The following TLL1 variants were observed in gnomAD, a reference collection of about 807,000 sequenced individuals.
The protein encoded by TLL1 is tolloid like 1.
A neutral mutation model predicts 128.2 loss-of-function variants in TLL1; 49 were observed. The observed-to-expected ratio is 0.38, with a 90% CI of 0.30 to 0.48. The LOEUF (loss-of-function observed/expected upper bound fraction) is 0.48, where lower values mean the gene tolerates loss of function less well. TLL1 is among the 20% of genes least tolerant of loss of function. The pLI is 0.96. For missense variants in TLL1, 1,123 were observed against 1,242.0 expected, an observed-to-expected ratio of 0.90 and a Z score of 1.44; for synonymous variants, 454 against 418.8, an observed-to-expected ratio of 1.08 and a Z score of -1.03.
intron 14 of TLL1, among the ~76,000 whole-genome samples, chr4:166,058,472 G>GTTT (rs1560842005): frequency 1.3e-5 from 2 of 152,038 alleles, no homozygotes; most frequent in African/African-American, 4.8e-5. Flanking sequence ...ACTTTTTGTC[G>GTTT]TGGTTATCTG....
chr4:166,085,328 G>A (rs913445568), intron 18 of TLL1, among the ~76,000 whole-genome samples: 1 of 151,532 alleles, frequency 6.6e-6, no homozygotes, highest in African/African-American at 2.4e-5. Context: ...AATAGAAGTG[G>A]TGAGAGTGGG....
intron 15 of TLL1, 50 bp downstream of exon 15, chr4:166,060,238 GA>G (rs1740241582): frequency 6.4e-7 from 1 of 1,571,462 alleles, no homozygotes; most frequent in African/African-American, 1.4e-5. Flanking sequence ...GGAACTCCCT[GA>G]AGGCAAACTG....
At position 165,995,014 on chromosome 4, in the gene TLL1, C is replaced by A. The variant is rs770454787; in HGVS notation, c.515-47C>A. ...GGTAGAGGATGCAGCAAGAAGCATT[C>A]TTCCTGGGGATGCCACCTTTTCATT... is the stretch of plus-strand genomic sequence containing the variant. On this transcript the variant is annotated intron_variant, in intron 4 of 20. Coordinates refer to ENST00000061240, the MANE Select transcript of TLL1 (RefSeq NM_012464.5). The A allele has an allele frequency of 3.3e-6, 5 of 1,509,402 alleles. No individual in the cohort carries two copies. The African/African-American group carries it at 5.5e-5, about 17-fold the overall frequency. The allele number at this position is 1,509,402 out of a possible 1,614,324, so 93.5% of individuals were successfully genotyped here.
chr4:166,030,627 C>A, intron 9 of TLL1: 1 of 704,642 alleles, frequency 1.4e-6, no homozygotes, highest in Non-Finnish European at 2.0e-6. Flanking sequence ...TCTATGAGTT[C>A]TATAGTTTTA....
chr4:165,963,369 T>C (rs1022312497), intron 1 of TLL1, among the ~76,000 whole-genome samples: 5 of 152,236 alleles, frequency 3.3e-5, no homozygotes, highest in East Asian at 1.9e-4. Context: ...AGTTGGAGAA[T>C]CTAGGTTTTT....
At chr4:165,991,566 G>T (rs1211731218) in intron 2 of TLL1, among the ~76,000 whole-genome samples, 2 of 151,948 alleles carry the variant, frequency 1.3e-5, no homozygotes, top group Non-Finnish European at 2.9e-5. Flanking sequence ...AAGTAATTAA[G>T]TAGATTATTA....
intron 1 of TLL1, among the ~76,000 whole-genome samples, chr4:165,967,941 G>T (rs1250765399): frequency 1.3e-5 from 2 of 152,088 alleles, no homozygotes; most frequent in Non-Finnish European, 2.9e-5. Flanking sequence ...GGTTTATTTG[G>T]ATGTTTACAT....
intron 1 of TLL1, among the ~76,000 whole-genome samples, chr4:165,982,899 G>T (rs1257290578): frequency 6.6e-6 from 1 of 151,678 alleles, no homozygotes; most frequent in Non-Finnish European, 1.5e-5. Flanking sequence ...AACAATTACA[G>T]GCATAAGGGA....
Position 166,052,961 on chromosome 4 carries a change from A to ATG in TLL1, c.1525-2111_1525-2110dup, listed in dbSNP as rs139204407. On this transcript the variant is annotated intron_variant, in intron 12 of 20. Transcript: ENST00000061240. ...AAATTAAAGACTGAGATAAGAGGTT[A>ATG]TGTGTATATATATATATATATTTGG... Among the ~76,000 whole-genome samples the ATG allele has an allele frequency of 1.7e-3, 189 of 108,868 alleles. 6 individuals are homozygous for ATG. The highest frequency in any genetic ancestry group is 3.8e-3 in the African/African-American group (87 of 22,904). 71.4% of individuals were successfully genotyped at this position (108,868 alleles called of 152,430 possible).
At chr4:166,005,580 C>T (rs1447308160) in intron 6 of TLL1, among the ~76,000 whole-genome samples, 1 of 151,784 alleles carries the variant, frequency 6.6e-6, no homozygotes, top group African/African-American at 2.4e-5. Context: ...AAAAAGTATT[C>T]TCCTCTATAT....
intron 9 of TLL1, chr4:166,030,821 G>T: frequency 9.7e-7 from 1 of 1,025,702 alleles, no homozygotes; most frequent in Non-Finnish European, 1.2e-6. Context: ...TTACATTATA[G>T]ATTATTTTTT....
In TLL1 at chr4:165,938,451, A is replaced by T. The variant is rs530649351; in HGVS notation, c.170-50930A>T. ...ACAGTCTGGTGCTTCCGCCTGAGGA[A>T]TTTTCTTCCATTATTTCTTTGAAAT... On this transcript the variant is annotated intron_variant, in intron 1 of 20. Transcript: ENST00000061240. Among the ~76,000 whole-genome samples, 6 of 152,040 alleles carry T rather than the reference A, an allele frequency of 3.9e-5. No homozygotes were observed. The South Asian group carries it at 8.3e-4, about 21-fold the overall frequency.
chr4:166,072,458 G>A (rs1258731014), intron 16 of TLL1, among the ~76,000 whole-genome samples: 1 of 149,880 alleles, frequency 6.7e-6, no homozygotes, highest in Non-Finnish European at 1.5e-5. Context: ...AAATTATTCT[G>A]AAATCATTAT....
chr4:166,045,358 T>G (rs763177451), intron 12 of TLL1, among the ~76,000 whole-genome samples: 2 of 152,216 alleles, frequency 1.3e-5, no homozygotes, highest in Non-Finnish European at 2.9e-5. Context: ...CAGTACTTTT[T>G]GTCACCGCTT....
intron 5 of TLL1, among the ~76,000 whole-genome samples, chr4:165,999,654 T>G (rs1579603121): frequency 7.0e-6 from 1 of 143,208 alleles, no homozygotes; most frequent in Non-Finnish European, 1.5e-5. Flanking sequence ...TTTTTTTTTT[T>G]GTAAAAATGA....
intron 18 of TLL1, among the ~76,000 whole-genome samples, chr4:166,086,864 C>CA (rs1741540112): frequency 6.6e-6 from 1 of 151,992 alleles, no homozygotes; most frequent in Non-Finnish European, 1.5e-5. Flanking sequence ...CCAAGACACA[C>CA]AAAAAACACA....
At chr4:166,043,249 T>G (rs1216075982) in intron 11 of TLL1, 25 bp from the exon 12 acceptor site, 1 of 1,613,968 alleles carries the variant, frequency 6.2e-7, no homozygotes, top group East Asian at 2.2e-5. Flanking sequence ...GCTTAGTTAT[T>G]TGTTTATTTT....
At chr4:166,087,477 C>A (rs573308361) in intron 18 of TLL1, among the ~76,000 whole-genome samples, 1 of 152,064 alleles carries the variant, frequency 6.6e-6, no homozygotes, top group African/African-American at 2.4e-5. Flanking sequence ...TTGTGGGAAA[C>A]CAAATGCCAG....
chr4:165,919,535 TA>T (rs1318564121), intron 1 of TLL1, among the ~76,000 whole-genome samples: 1 of 152,170 alleles, frequency 6.6e-6, no homozygotes, highest in Non-Finnish European at 1.5e-5. Flanking sequence ...TATATATAAT[TA>T]ACTGACTTTC....
Sources: allele counts gnomAD v4.1 joint callset (sites outside exome capture counted in the v4.1 genomes callset), GRCh38; gene constraint gnomAD v4.1.1; transcripts MANE v1.5; gene names NCBI Gene and HGNC (gene_info 2026-07-23, HGNC 2026-07-21).